MYLK: variants seen among roughly 807,000 people sequenced by gnomAD.
MYLK encodes the protein myosin light chain kinase, smooth muscle.
In MYLK, 106 loss-of-function variants were observed where a neutral mutation model predicts 203.4. The ratio of observed to expected loss-of-function variants is 0.52; its 90% confidence interval spans 0.45 to 0.61. The LOEUF (loss-of-function observed/expected upper bound fraction) is 0.61, where lower values mean the gene tolerates loss of function less well. Ranked by LOEUF, MYLK falls within the 20% of genes least tolerant of loss-of-function variation. The pLI, the probability that MYLK is intolerant of heterozygous loss-of-function variation, is 0.00. For missense variants in MYLK, 2,072 were observed against 2,442.3 expected, an observed-to-expected ratio of 0.85 and a Z score of 3.20; for synonymous variants, 867 against 959.5, an observed-to-expected ratio of 0.90 and a Z score of 1.78.
chr3:123,620,442 C>G (rs1158760965), intron 31 of MYLK, 106 bp from the exon 32 acceptor site: 1 of 1,595,216 alleles, frequency 6.3e-7, no homozygotes, highest in Non-Finnish European at 8.5e-7. Flanking sequence ...AGCAGCTGTT[C>G]CCTGGAACAA....
intron 3 of MYLK, among the ~76,000 whole-genome samples, chr3:123,804,519 G>A (rs990747554): frequency 6.6e-6 from 1 of 152,136 alleles, no homozygotes; most frequent in African/African-American, 2.4e-5. Context: ...CACTCCCCTG[G>A]AGCAGGCTGT....
At chr3:123,788,706 G>T (rs950993682) in intron 4 of MYLK, among the ~76,000 whole-genome samples, 1 of 152,096 alleles carries the variant, frequency 6.6e-6, no homozygotes, top group Non-Finnish European at 1.5e-5. Flanking sequence ...GGAAACTGAG[G>T]AATTATTCAT....
chr3:123,837,153 C>T (rs2066492260), intron 2 of MYLK, among the ~76,000 whole-genome samples: 1 of 152,138 alleles, frequency 6.6e-6, no homozygotes, highest in East Asian at 1.9e-4. Flanking sequence ...CCTGCCTCAG[C>T]CTCCTGAGTA....
chr3:123,651,989 G>A lies in MYLK; in HGVS notation c.4289-2795C>T, dbSNP rs549140136. Among the ~76,000 whole-genome samples, 4 of 152,374 alleles carry A rather than the reference G, an allele frequency of 2.6e-5. No homozygotes were observed. The South Asian group carries it at 6.2e-4, about 24-fold the overall frequency. On this transcript the variant is annotated intron_variant, in intron 24 of 33. Transcript: ENST00000360304. Reference sequence around the variant, plus strand: ...AAGCAGGGAGCAGTGGCAAGTGCCTGTAGTCCCAGCTATTCGGGAGGCTGA... The same window carrying A: ...AAGCAGGGAGCAGTGGCAAGTGCCTATAGTCCCAGCTATTCGGGAGGCTGA...
chr3:123,848,079 T>C (rs539679969), intron 2 of MYLK, among the ~76,000 whole-genome samples: 2 of 152,144 alleles, frequency 1.3e-5, no homozygotes, highest in East Asian at 3.9e-4. Flanking sequence ...GTTTTCTATA[T>C]CTTTTGAAGT....
At chr3:123,723,779 C>T (rs565404935) in intron 12 of MYLK, among the ~76,000 whole-genome samples, 9 of 152,196 alleles carry the variant, frequency 5.9e-5, no homozygotes, top group Non-Finnish European at 1.2e-4. Context: ...CGCTAAGAGT[C>T]GCTGAGAAAA....
At chr3:123,633,828 T>C (rs1026277875) in intron 29 of MYLK, among the ~76,000 whole-genome samples, 2 of 151,934 alleles carry the variant, frequency 1.3e-5, no homozygotes, top group African/African-American at 4.8e-5. Flanking sequence ...GACTACACTT[T>C]CTGTGTGTGT....
At chr3:123,872,204 T>A (rs1025156051) in intron 2 of MYLK, among the ~76,000 whole-genome samples, 3 of 152,110 alleles carry the variant, frequency 2.0e-5, no homozygotes, top group Non-Finnish European at 4.4e-5. Context: ...TAGAGGAGAT[T>A]TATGAGAGTT....
intron 3 of MYLK, among the ~76,000 whole-genome samples, chr3:123,828,963 T>A (rs534557209): frequency 1.4e-4 from 22 of 151,788 alleles, no homozygotes; most frequent in Non-Finnish European, 2.8e-4. Context: ...CTGGCAAGGA[T>A]GAGGAGAAAA....
intron 32 of MYLK, among the ~76,000 whole-genome samples, chr3:123,619,262 G>A (rs1421060302): frequency 6.6e-6 from 1 of 152,174 alleles, no homozygotes; most frequent in Non-Finnish European, 1.5e-5. Flanking sequence ...CTGTGTGACT[G>A]TGGACCAGGA....
chr3:123,850,104 T>C (rs2030582069), intron 2 of MYLK, among the ~76,000 whole-genome samples: 2 of 152,236 alleles, frequency 1.3e-5, no homozygotes, highest in African/African-American at 4.8e-5. Flanking sequence ...TAGTATTCCA[T>C]GGTGTATATG....
At chr3:123,744,234 A>G (rs1347847282) in intron 5 of MYLK, among the ~76,000 whole-genome samples, 1 of 152,240 alleles carries the variant, frequency 6.6e-6, no homozygotes, top group Non-Finnish European at 1.5e-5. Flanking sequence ...ATGGATTTCA[A>G]TATGCAACTG....
At chr3:123,737,254 G>T in intron 8 of MYLK, 124 bp downstream of exon 8, 3 of 1,159,148 alleles carry the variant, frequency 2.6e-6, no homozygotes, top group Non-Finnish European at 3.8e-6. Flanking sequence ...CCCCTGGGGA[G>T]TGCCTGGGTG....
intron 29 of MYLK, among the ~76,000 whole-genome samples, chr3:123,634,356 G>A (rs2058557269): frequency 6.6e-6 from 1 of 152,196 alleles, no homozygotes; most frequent in African/African-American, 2.4e-5. Context: ...ACTGGATCTG[G>A]CTGAGGAGCC....
At chr3:123,703,670 G>A (rs767848187) in intron 16 of MYLK, among the ~76,000 whole-genome samples, 58 of 148,070 alleles carry the variant, frequency 3.9e-4, no homozygotes, top group Non-Finnish European at 6.3e-4. Flanking sequence ...CTTTGGGTGA[G>A]CTTGTAGAAT....
chr3:123,664,479 TGTGGAGCAG>T (rs2059670762), intron 22 of MYLK, among the ~76,000 whole-genome samples: 1 of 100,734 alleles, frequency 9.9e-6, no homozygotes, highest in African/African-American at 3.2e-5. Context: ...GCAGGGAGGG[TGTGGAGCAG>T]GGGCAGGATG....
rs1264439778 is a variant in MYLK at position 123,700,737 on chromosome 3, A to G, written c.2731T>C (p.Ser911Pro). The part of the protein sequence containing the change: ...LGKKVSTKTL[S>P]EDDLKEIPAE... The stretch of plus-strand genomic sequence containing the variant: ...GGGATCTCCTTCAGGTCGTCTTCCG[A>G]TAGGGTCTTTGTACTCACCTTCTTC... Residue 911 changes from serine to proline, a missense_variant, in exon 18 of 34, where the codon TCG becomes CCG. Ser to Pro is a moderately conservative substitution (Grantham distance 74). This residue lies in a region of MYLK where 865 missense variants were observed against 1,016.0 expected (regional missense o/e 0.85). Transcript: ENST00000360304. 3.7e-6 allele frequency: 6 copies of G among 1,613,914 alleles called. No homozygotes were observed. The African/African-American group carries it at 8.0e-5, about 22-fold the overall frequency.
chr3:123,700,799 T>G lies in MYLK; in HGVS notation c.2669A>C (p.Gln890Pro). 2 of 1,614,250 alleles carry G rather than the reference T, an allele frequency of 1.2e-6. No homozygotes were observed. Among genetic ancestry groups the G allele is most frequent in the Non-Finnish European group, 1.7e-6 (2 of 1,180,048 alleles). Reference sequence around the variant, plus strand: ...TCGGAAGTCCAGCTGCTCCACCTCCTGCTGGCGGATCGCCTCCTCAGTGTG... The same window carrying G: ...TCGGAAGTCCAGCTGCTCCACCTCCGGCTGGCGGATCGCCTCCTCAGTGTG... ...RQHTEEAIRQ[Q>P]EVEQLDFRDL... Residue 890 changes from glutamine to proline, a missense_variant, in exon 18 of 34, where the codon CAG becomes CCG. This residue lies in a region of MYLK where 865 missense variants were observed against 1,016.0 expected (regional missense o/e 0.85). Coordinates refer to ENST00000360304, the MANE Select transcript of MYLK (RefSeq NM_053025.4).
At chr3:123,755,074 G>C (rs2063321462) in intron 4 of MYLK, among the ~76,000 whole-genome samples, 1 of 152,214 alleles carries the variant, frequency 6.6e-6, no homozygotes, top group Non-Finnish European at 1.5e-5. Context: ...TCAGGACTCT[G>C]CTCATACAGT....
Sources: allele counts gnomAD v4.1 joint callset (sites outside exome capture counted in the v4.1 genomes callset), GRCh38; gene constraint gnomAD v4.1.1; regional missense constraint gnomAD v4.1.1; transcripts MANE v1.5; gene names NCBI Gene and HGNC (gene_info 2026-07-23, HGNC 2026-07-21).